Variants in MRTFB observed in about 807,000 individuals in gnomAD.
The protein encoded by MRTFB is myocardin-related transcription factor B.
Under a neutral mutation model 104.2 loss-of-function variants are expected in MRTFB, and 29 were observed. The ratio of observed to expected loss-of-function variants is 0.28; its 90% CI spans 0.21 to 0.38. MRTFB has a LOEUF of 0.38. MRTFB is among the 10% of genes least tolerant of loss of function. The pLI is 1.00. For synonymous variants in MRTFB, 535 were observed against 519.5 expected (o/e 1.03, Z -0.41); for missense variants, 1,270 against 1,341.6 (o/e 0.95, Z 0.83).
intron 8 of MRTFB, among the ~76,000 whole-genome samples, chr16:14,225,270 A>G (rs955682691): frequency 6.6e-6 from 1 of 152,178 alleles, no homozygotes; most frequent in Non-Finnish European, 1.5e-5. Context: ...TTTTTTTCCT[A>G]CAGGATTTAA....
chr16:14,037,110 C>T, the MRTFB span, among the ~76,000 whole-genome samples: 6 of 152,074 alleles, frequency 3.9e-5, no homozygotes, highest in Admixed American at 6.5e-5. Flanking sequence ...GATGGGCCAC[C>T]GGTTTGCTTT....
the MRTFB span, among the ~76,000 whole-genome samples, chr16:14,047,729 G>A: frequency 2.0e-5 from 3 of 152,088 alleles, no homozygotes; most frequent in African/African-American, 7.2e-5. Flanking sequence ...CAGTATGGGG[G>A]AACCACCCCC....
In MRTFB at chr16:14,263,066, TCTG is replaced by T. The variant is rs1408736520; in HGVS notation, c.*1625_*1627del. On this transcript the variant is annotated 3_prime_UTR_variant, in exon 17 of 17. Transcript: ENST00000571589. ...TAAATTTTACTACGTGTAACAAAAGTCTGCTTTTCCAGCATGAGCACACTGGAG... is the reference window on the plus strand; with the variant it reads ...TAAATTTTACTACGTGTAACAAAAGTCTTTTCCAGCATGAGCACACTGGAG... 7.9e-5 allele frequency: 12 copies of T among 152,552 alleles called. No individual in the cohort carries two copies. The highest frequency in any genetic ancestry group is 2.9e-4 in the African/African-American group (12 of 41,600). The allele number at this position is 152,552 out of a possible 1,614,324, so 9.4% of individuals were successfully genotyped here.
chr16:14,171,769 A>C (rs189230314), intron 3 of MRTFB, among the ~76,000 whole-genome samples: 5 of 152,356 alleles, frequency 3.3e-5, no homozygotes, highest in African/African-American at 9.6e-5. Flanking sequence ...TGTGAAAATA[A>C]ATGTGTTACA....
At chr16:14,131,577 T>G (rs1328392595) in intron 2 of MRTFB, among the ~76,000 whole-genome samples, 3 of 152,072 alleles carry the variant, frequency 2.0e-5, no homozygotes, top group African/African-American at 7.2e-5. Context: ...CCATTAGACT[T>G]ACATATAATG....
chr16:14,093,676 CT>C (rs936697756), intron 2 of MRTFB, among the ~76,000 whole-genome samples: 1 of 152,078 alleles, frequency 6.6e-6, no homozygotes, highest in South Asian at 2.1e-4. Context: ...TAGACTAAAA[CT>C]TTGTATATTT....
chr16:14,201,791 A>G (rs554855947), intron 3 of MRTFB, among the ~76,000 whole-genome samples: 6 of 152,180 alleles, frequency 3.9e-5, no homozygotes, highest in Non-Finnish European at 8.8e-5. Flanking sequence ...ATAAATGCCT[A>G]AAAGACATTT....
intron 1 of MRTFB, among the ~76,000 whole-genome samples, chr16:14,073,869 G>A (rs2033880846): frequency 6.6e-6 from 1 of 152,190 alleles, no homozygotes; most frequent in African/African-American, 2.4e-5. Flanking sequence ...AGTCCTCATG[G>A]TGTGATTTGT....
Position 14,248,940 on chromosome 16 carries a change from A to G in MRTFB, c.2262A>G (p.Ala754=). 1 of 1,613,802 alleles carries G rather than the reference A, an allele frequency of 6.2e-7. No individual in the cohort carries two copies. Among genetic ancestry groups the G allele is most frequent in the Non-Finnish European group, 8.5e-7 (1 of 1,179,926 alleles). ...GSLKLQTSPQ[A]GMQTQPQIAT... is the part of the protein sequence containing the mutation. ...TCACCTCCTAGACTTCACCACAAGCAGGAATGCAGACTCAGCCTCAGATAG... is the reference window on the plus strand; with the variant it reads ...TCACCTCCTAGACTTCACCACAAGCGGGAATGCAGACTCAGCCTCAGATAG... The change falls in exon 13 of 17, where the codon GCA becomes GCG. Residue 754 remains alanine, a synonymous_variant. Transcript: ENST00000571589.
chr16:14,247,855 C>G (rs1227570876), intron 12 of MRTFB: 1 of 209,994 alleles, frequency 4.8e-6, no homozygotes, highest in Admixed American at 5.2e-5. Context: ...CTTTAAATGG[C>G]CGGCTTCACT....
At chr16:14,060,332 C>T in the MRTFB span, among the ~76,000 whole-genome samples, 5 of 152,244 alleles carry the variant, frequency 3.3e-5, no homozygotes, top group East Asian at 1.9e-4. Context: ...ATGATATATA[C>T]GTTAGGCTGA....
intron 3 of MRTFB, chr16:14,152,882 A>G (rs1241674941): frequency 1.3e-5 from 2 of 152,208 alleles, no homozygotes; most frequent in African/African-American, 2.4e-5. Flanking sequence ...TAAAAGTCCT[A>G]TACAATCAAA....
the MRTFB span, among the ~76,000 whole-genome samples, chr16:14,045,156 T>G: frequency 6.6e-6 from 1 of 152,182 alleles, no homozygotes; most frequent in African/African-American, 2.4e-5. Flanking sequence ...TATAGATCCC[T>G]CCGTAGGCTA....
chr16:14,040,464 ATC>A, the MRTFB span, among the ~76,000 whole-genome samples: 1 of 115,170 alleles, frequency 8.7e-6, no homozygotes, highest in South Asian at 4.6e-4. Flanking sequence ...ATATTACTAA[ATC>A]TTTTTTTTTT....
chr16:14,036,025 A>G, the MRTFB span, among the ~76,000 whole-genome samples: 2 of 148,450 alleles, frequency 1.3e-5, no homozygotes, highest in African/African-American at 5.0e-5. Flanking sequence ...ATAGTCTCCA[A>G]TTCCATGCAG....
chr16:14,029,880 C>T, the MRTFB span, among the ~76,000 whole-genome samples: 64,879 of 151,814 alleles, frequency 0.43, 14,068 homozygotes, highest in Middle Eastern at 0.58. Flanking sequence ...CTGCAGCCTC[C>T]GCAGGCTCAT....
At chr16:14,187,232 TG>T (rs1240914604) in intron 3 of MRTFB, among the ~76,000 whole-genome samples, 5 of 152,210 alleles carry the variant, frequency 3.3e-5, no homozygotes, top group African/African-American at 1.2e-4. Flanking sequence ...CTGATGGAAC[TG>T]TAGGGCTTTT....
At position 14,252,364 on chromosome 16, in the gene MRTFB, G is replaced by A; in HGVS notation, c.2566-1G>A. On this transcript the variant is annotated splice_acceptor_variant, in intron 14 of 16. Transcript: ENST00000571589. LOFTEE classifies it high-confidence loss of function. ...GTGCACTCCTCCTTTATTTGACACAGCCTAGTTCACCCCCGCCACCCCAGC... is the reference window on the plus strand; with the variant it reads ...GTGCACTCCTCCTTTATTTGACACAACCTAGTTCACCCCCGCCACCCCAGC... 1 of 1,613,206 alleles carries A rather than the reference G, an allele frequency of 6.2e-7. No individual in the cohort carries two copies. The highest frequency in any genetic ancestry group is 8.5e-7 in the Non-Finnish European group (1 of 1,179,556).
chr16:14,249,626 C>T (rs2043169878), intron 13 of MRTFB, among the ~76,000 whole-genome samples: 1 of 152,140 alleles, frequency 6.6e-6, no homozygotes, highest in South Asian at 2.1e-4. Flanking sequence ...AGTCAGTTAC[C>T]TCATCTTTAA....
Sources: allele counts gnomAD v4.1 joint callset (sites outside exome capture counted in the v4.1 genomes callset), GRCh38; gene constraint gnomAD v4.1.1; transcripts MANE v1.5; gene names NCBI Gene and HGNC (gene_info 2026-07-23, HGNC 2026-07-21).